The following GALNT13 variants were observed in gnomAD, a reference collection of about 807,000 sequenced individuals.
GALNT13 encodes UDP-GalNAc:polypeptide N-acetylgalactosaminyltransferase 13.
GALNT13 carries 28 observed loss-of-function variants against 64.2 expected under a neutral mutation model. That is an observed-to-expected ratio of 0.44 (90% CI 0.32 to 0.60). GALNT13 has a LOEUF of 0.60. GALNT13 is among the 20% of genes least tolerant of loss of function. GALNT13 has a pLI of 0.05. For missense variants in GALNT13, 577 were observed against 669.8 expected, an observed-to-expected ratio of 0.86 and a Z score of 1.53; for synonymous variants, 214 against 224.6, an observed-to-expected ratio of 0.95 and a Z score of 0.42.
chr2:153,170,000 TG>T, the GALNT13 span, among the ~76,000 whole-genome samples: 1 of 152,190 alleles, frequency 6.6e-6, no homozygotes, highest in African/African-American at 2.4e-5. Context: ...CTAATCTTCA[TG>T]TTTAAGTAAA....
At chr2:154,038,808 G>A (rs1033508498) in intron 3 of GALNT13, among the ~76,000 whole-genome samples, 6 of 152,050 alleles carry the variant, frequency 3.9e-5, no homozygotes, top group African/African-American at 1.2e-4. Context: ...GGAAAAAACC[G>A]AGTCAAGACA....
chr2:153,177,041 C>A, the GALNT13 span, among the ~76,000 whole-genome samples: 1 of 151,906 alleles, frequency 6.6e-6, no homozygotes, highest in Middle Eastern at 3.4e-3. Context: ...ATTGAGGCAC[C>A]GGGGTACAAG....
chr2:153,246,935 A>G, the GALNT13 span, among the ~76,000 whole-genome samples: 1 of 152,254 alleles, frequency 6.6e-6, no homozygotes, highest in East Asian at 1.9e-4. Context: ...TAGGCTCAAA[A>G]TAAAGGGATG....
the GALNT13 span, among the ~76,000 whole-genome samples, chr2:153,136,212 T>G: frequency 1.3e-5 from 2 of 152,114 alleles, no homozygotes; most frequent in Non-Finnish European, 2.9e-5. Context: ...GCTTTAGAGA[T>G]AACACCCCTT....
chr2:153,149,321 G>A, the GALNT13 span, among the ~76,000 whole-genome samples: 1 of 151,746 alleles, frequency 6.6e-6, no homozygotes, highest in African/African-American at 2.4e-5. Flanking sequence ...TGACTCCAAA[G>A]CCCATACCTC....
chr2:154,298,354 A>G (rs1269030317), intron 8 of GALNT13, among the ~76,000 whole-genome samples: 1 of 137,430 alleles, frequency 7.3e-6, no homozygotes, highest in Admixed American at 7.9e-5. Flanking sequence ...ATATCACTAA[A>G]TACATATATA....
intron 11 of GALNT13, among the ~76,000 whole-genome samples, chr2:154,410,743 C>CAA (rs35826649): frequency 7.9e-5 from 12 of 151,058 alleles, no homozygotes; most frequent in Non-Finnish European, 1.5e-4. Flanking sequence ...CAACTTATGG[C>CAA]AAAAAAAATC....
intron 9 of GALNT13, among the ~76,000 whole-genome samples, chr2:154,345,431 G>A (rs1696017174): frequency 6.6e-6 from 1 of 151,990 alleles, no homozygotes; most frequent in African/African-American, 2.4e-5. Flanking sequence ...CTGTGATAAT[G>A]AAAATGTTCT....
At chr2:153,767,782 C>T in the GALNT13 span, among the ~76,000 whole-genome samples, 1 of 147,516 alleles carries the variant, frequency 6.8e-6, no homozygotes, top group Non-Finnish European at 1.5e-5. Flanking sequence ...GTTCTTTGCT[C>T]ACTTTTTAAT....
chr2:153,380,679 A>G, the GALNT13 span, among the ~76,000 whole-genome samples: 2 of 152,244 alleles, frequency 1.3e-5, no homozygotes, highest in Admixed American at 6.5e-5. Context: ...ATTATGACCA[A>G]ATTTACAACT....
chr2:153,653,944 A>C, the GALNT13 span, among the ~76,000 whole-genome samples: 1 of 152,176 alleles, frequency 6.6e-6, no homozygotes, highest in South Asian at 2.1e-4. Flanking sequence ...GGATGCTTAA[A>C]CATTAAGTAA....
At chr2:153,765,405 A>G in the GALNT13 span, among the ~76,000 whole-genome samples, 13 of 152,156 alleles carry the variant, frequency 8.5e-5, no homozygotes, top group Non-Finnish European at 1.2e-4. Flanking sequence ...TGACTGCCCT[A>G]TTGGGTTTTG....
intron 4 of GALNT13, among the ~76,000 whole-genome samples, chr2:154,158,645 C>G (rs1430874223): frequency 1.3e-5 from 2 of 152,162 alleles, no homozygotes; most frequent in Non-Finnish European, 2.9e-5. Context: ...GTGAACCATA[C>G]CAAGAACAAT....
chr2:154,421,718 T>G (rs1700260862), intron 11 of GALNT13, among the ~76,000 whole-genome samples: 2 of 152,120 alleles, frequency 1.3e-5, no homozygotes, highest in Non-Finnish European at 2.9e-5. Flanking sequence ...CTACACTAAT[T>G]TGAAGCATGT....
the GALNT13 span, among the ~76,000 whole-genome samples, chr2:153,552,848 A>G: frequency 6.6e-6 from 1 of 151,950 alleles, no homozygotes; most frequent in Non-Finnish European, 1.5e-5. Context: ...GGAGTGTGCA[A>G]CCTAGATCCT....
At chr2:154,328,716 C>T (rs1203545187) in intron 9 of GALNT13, among the ~76,000 whole-genome samples, 1 of 152,080 alleles carries the variant, frequency 6.6e-6, no homozygotes, top group East Asian at 1.9e-4. Flanking sequence ...CAAGATAATG[C>T]CCAGTGTTTT....
the GALNT13 span, among the ~76,000 whole-genome samples, chr2:153,507,226 C>T: frequency 2.0e-5 from 3 of 151,654 alleles, no homozygotes; most frequent in East Asian, 5.8e-4. Flanking sequence ...CGTTATTTCA[C>T]TGAAGAATTT....
At chr2:153,989,926 A>G (rs1473425551) in intron 3 of GALNT13, among the ~76,000 whole-genome samples, 1 of 152,072 alleles carries the variant, frequency 6.6e-6, no homozygotes, top group Non-Finnish European at 1.5e-5. Flanking sequence ...AATGGATGCT[A>G]TTTACCTTCA....
chr2:153,976,113 T>C (rs989455759), intron 3 of GALNT13, among the ~76,000 whole-genome samples: 5 of 152,122 alleles, frequency 3.3e-5, no homozygotes, highest in Non-Finnish European at 5.9e-5. Flanking sequence ...TATATTTTGA[T>C]TTTGTCTTAC....
Sources: gnomAD v4.1 joint callset for allele counts (sites outside exome capture counted in the v4.1 genomes callset) on GRCh38, gnomAD v4.1.1 for gene constraint, MANE v1.5 for transcripts, NCBI Gene and HGNC (gene_info 2026-07-23, HGNC 2026-07-21) for gene names.